Variants in BRWD1 observed in about 807,000 individuals in gnomAD.
BRWD1 encodes bromodomain and WD repeat domain containing 1, also known as bromodomain and WD repeat-containing protein 1.
Under a neutral mutation model 251.2 loss-of-function variants are expected in BRWD1, and 82 were observed. The observed-to-expected ratio is 0.33, with a 90% CI of 0.27 to 0.39. The LOEUF (loss-of-function observed/expected upper bound fraction) is 0.39, where lower values mean the gene tolerates loss of function less well. Ranked by LOEUF, BRWD1 falls within the 10% of genes least tolerant of loss-of-function variation. The pLI is 1.00. For synonymous variants in BRWD1, 918 were observed against 902.8 expected (o/e 1.02, Z -0.30); for missense variants, 2,233 against 2,711.6 (o/e 0.82, Z 3.92).
chr21:39,246,325 C>T (rs529720734), intron 21 of BRWD1, among the ~76,000 whole-genome samples: 1 of 152,164 alleles, frequency 6.6e-6, no homozygotes, highest in African/African-American at 2.4e-5. Context: ...TACCACTTCA[C>T]GCCCATTAAG....
chr21:39,298,002 T>A, intron 5 of BRWD1: 1 of 985,936 alleles, frequency 1.0e-6, no homozygotes. Context: ...GTTTTCAAGC[T>A]GCTACCAAAT....
At position 39,218,592 on chromosome 21, in the gene BRWD1, T is replaced by C; in HGVS notation, c.3451A>G (p.Lys1151Glu). Residue 1151 changes from lysine to glutamate, a missense_variant, in exon 30 of 41, where the codon AAA (lysine) becomes GAA (glutamate). Lys to Glu is a moderately conservative substitution (Grantham distance 56). This residue lies in a region of BRWD1 where 139 missense variants were observed against 272.8 expected (regional missense o/e 0.51). Coordinates refer to ENST00000342449, the MANE Select transcript of BRWD1 (RefSeq NM_033656.4). ...TTDELEKLLYKPQAGEWGQKS... is the reference protein window; with the variant it reads ...TTDELEKLLYEPQAGEWGQKS... ...TGACCCCATTCACCAGCTTGTGGTT[T>C]ATAGAGCAATTTCTCTAGCTCATCT... 2.5e-6 allele frequency: 4 copies of C among 1,612,370 alleles called. No individual in the cohort carries two copies. Among genetic ancestry groups the C allele is most frequent in the Non-Finnish European group, 2.5e-6 (3 of 1,179,354 alleles).
At chr21:39,197,443 A>C (rs370960334) in intron 40 of BRWD1, 28 bp from the exon 41 acceptor site, 1 of 1,492,222 alleles carries the variant, frequency 6.7e-7, no homozygotes, top group Non-Finnish European at 9.0e-7. Flanking sequence ...GATTTCTATT[A>C]ATCTTTTGTA....
In BRWD1 at chr21:39,265,035, G is replaced by A. The variant is rs937448098; in HGVS notation, c.1531-16C>T. 9 of 1,600,440 alleles carry A rather than the reference G, an allele frequency of 5.6e-6. No individual in the cohort carries two copies. Among genetic ancestry groups the A allele is most frequent in the South Asian group, 3.4e-5 (3 of 88,528 alleles). ...GTCCTTCAATCTAGGAAACACAAAA[G>A]GAAAAAAGTTAGGACCAATTCTATG... On this transcript the variant is annotated splice_polypyrimidine_tract_variant and intron_variant, in intron 15 of 40. Transcript: ENST00000342449.
chr21:39,277,398 C>G, intron 10 of BRWD1, 47 bp from the exon 11 acceptor site: 1 of 1,148,776 alleles, frequency 8.7e-7, no homozygotes, highest in South Asian at 1.8e-5. Context: ...ATAACAAATA[C>G]CTGAACAAAT....
chr21:39,210,949 C>A lies in BRWD1; in HGVS notation c.3901-20G>T. On this transcript the variant is annotated intron_variant, in intron 34 of 40. Transcript: ENST00000342449. ...ATGGACCTAAAAATACATTCACAGT[C>A]TTAAGAAAAATCACACTATTGGTGT... 6.2e-7 allele frequency: 1 copy of A among 1,604,056 alleles called. No individual in the cohort carries two copies. The highest frequency in any genetic ancestry group is 8.5e-7 in the Non-Finnish European group (1 of 1,177,282).
intron 37 of BRWD1, among the ~76,000 whole-genome samples, chr21:39,205,349 C>A (rs1028832349): frequency 9.9e-5 from 15 of 151,638 alleles, no homozygotes; most frequent in Non-Finnish European, 2.1e-4. Context: ...TGGTGACACA[C>A]CCCTGTTATC....
intron 10 of BRWD1, 60 bp downstream of exon 10, chr21:39,278,682 TG>T: frequency 7.8e-7 from 1 of 1,279,044 alleles, no homozygotes; most frequent in Non-Finnish European, 1.1e-6. Context: ...AGCAACCAAG[TG>T]GTCATTTAAT....
chr21:39,201,121 T>TG (rs2032088711), intron 38 of BRWD1, among the ~76,000 whole-genome samples: 1 of 152,230 alleles, frequency 6.6e-6, no homozygotes, highest in Non-Finnish European at 1.5e-5. Flanking sequence ...CACCATCCTT[T>TG]TACCCATTCC....
At chr21:39,291,694 T>C (rs2836975) in intron 8 of BRWD1, among the ~76,000 whole-genome samples, 91,569 of 152,108 alleles carry the variant, frequency 0.6, 27,768 homozygotes, top group Admixed American at 0.66. Flanking sequence ...CTGAGCCTCA[T>C]TGTAATACTA....
At chr21:39,305,968 A>T (rs1422716174) in intron 4 of BRWD1, among the ~76,000 whole-genome samples, 3 of 151,672 alleles carry the variant, frequency 2.0e-5, no homozygotes, top group Non-Finnish European at 4.4e-5. Flanking sequence ...CAGGAGTTTG[A>T]CGCTGCAGTG....
chr21:39,196,644 T>C lies in BRWD1; in HGVS notation c.6425A>G (p.Glu2142Gly). The C allele has an allele frequency of 6.2e-7, 1 of 1,613,822 alleles. No individual in the cohort carries two copies. Among genetic ancestry groups the C allele is most frequent in the Non-Finnish European group, 8.5e-7 (1 of 1,179,854 alleles). Residue 2142 changes from glutamate (E) to glycine (G), a missense_variant, in exon 41 of 41, where the codon GAA becomes GGA. Physicochemically the swap from Glu to Gly is moderately conservative, Grantham distance 98 (BLOSUM62 -2). Transcript: ENST00000342449. Reference sequence around the variant, plus strand: ...TCTAAACTTTGAATTCCCAGTTGTTTCAGAGATTTTCACATTTTCCAATTC... The same window carrying C: ...TCTAAACTTTGAATTCCCAGTTGTTCCAGAGATTTTCACATTTTCCAATTC... The part of the protein sequence containing the change: ...HPELENVKIS[E>G]TTGNSKFRPD...
At chr21:39,227,138 A>T (rs965766080) in intron 27 of BRWD1, among the ~76,000 whole-genome samples, 7 of 152,210 alleles carry the variant, frequency 4.6e-5, no homozygotes, top group African/African-American at 1.7e-4. Flanking sequence ...CCCGGGCAAC[A>T]GAGCAAGACC....
intron 1 of BRWD1, 40 bp downstream of exon 1, chr21:39,313,403 G>A (rs779848207): frequency 7.6e-5 from 111 of 1,458,900 alleles, no homozygotes; most frequent in Non-Finnish European, 9.5e-5. Flanking sequence ...CGAAGCAGCC[G>A]GGAGCGCCAG....
chr21:39,303,199 G>T (rs889213938), intron 4 of BRWD1, among the ~76,000 whole-genome samples: 10 of 151,944 alleles, frequency 6.6e-5, no homozygotes, highest in East Asian at 1.9e-4. Context: ...ACCACCAAAA[G>T]AATAATAAAA....
At position 39,253,133 on chromosome 21, in the gene BRWD1, T is replaced by C. The variant is rs376393374; in HGVS notation, c.2256-2244A>G. ...GGTGAAACCCCATCTCTACTGAAAA[T>C]ACAAAATTAGCCGGGTGTGGTGACC... On this transcript the variant is annotated intron_variant, in intron 19 of 40. Transcript: ENST00000342449. 1.5e-4 allele frequency among the ~76,000 whole-genome samples: 22 copies of C among 151,698 alleles called. No homozygotes were observed. In the East Asian group the frequency reaches 3.3e-3, roughly 23 times the overall value.
At position 39,187,502 on chromosome 21, in the gene BRWD1, AT is replaced by A; in HGVS notation, c.*8756del. 1 of 1,453,266 alleles carries A rather than the reference AT, an allele frequency of 6.9e-7. No individual in the cohort carries two copies. The highest frequency in any genetic ancestry group is 9.0e-7 in the Non-Finnish European group (1 of 1,105,054). 90.0% of individuals were successfully genotyped at this position (1,453,266 alleles called of 1,614,324 possible). On this transcript the variant is annotated 3_prime_UTR_variant, in exon 41 of 41. Transcript: ENST00000342449. ...CTGCTAACATTCCTCAACAACACTCATTCGGAAACAATAAATTTAAAAGTCA... is the reference window on the plus strand; with the variant it reads ...CTGCTAACATTCCTCAACAACACTCATCGGAAACAATAAATTTAAAAGTCA...
intron 21 of BRWD1, among the ~76,000 whole-genome samples, chr21:39,241,384 C>T (rs1157144100): frequency 1.4e-5 from 2 of 138,858 alleles, no homozygotes; most frequent in Non-Finnish European, 3.1e-5. Context: ...AGGAGAATCG[C>T]TTGAACCCAG....
Position 39,187,213 on chromosome 21 carries a change from C to A in BRWD1, c.*9046G>T, listed in dbSNP as rs1159736088. The A allele has an allele frequency of 6.8e-6, 11 of 1,613,132 alleles. No homozygotes were observed. The highest frequency in any genetic ancestry group is 9.3e-6 in the Non-Finnish European group (11 of 1,179,780). ...CAGTTTTCTGCTACTCTTCCTAATCCAGACATTTTCTGGTCCTGAGATCGT... is the reference window on the plus strand; with the variant it reads ...CAGTTTTCTGCTACTCTTCCTAATCAAGACATTTTCTGGTCCTGAGATCGT... On this transcript the variant is annotated 3_prime_UTR_variant, in exon 41 of 41. Transcript: ENST00000342449.
Sources: gnomAD v4.1 joint callset for allele counts (sites outside exome capture counted in the v4.1 genomes callset) on GRCh38, gnomAD v4.1.1 for gene constraint, gnomAD v4.1.1 regional missense constraint, MANE v1.5 for transcripts, NCBI Gene and HGNC (gene_info 2026-07-23, HGNC 2026-07-21) for gene names.